Variants in ACOX3 observed in about 807,000 individuals in gnomAD.
ACOX3 encodes the protein peroxisomal acyl-coenzyme A oxidase 3.
A neutral mutation model predicts 81.5 loss-of-function variants in ACOX3; 73 were observed. The observed-to-expected ratio is 0.90, with a 90% CI of 0.74 to 1.09. The LOEUF (loss-of-function observed/expected upper bound fraction) is 1.09, where lower values mean the gene tolerates loss of function less well. ACOX3 is among the 50% of genes least tolerant of loss of function. The pLI is 0.00. For missense variants in ACOX3, 947 were observed against 928.0 expected, an observed-to-expected ratio of 1.02 and a Z score of -0.27; for synonymous variants, 387 against 375.1, an observed-to-expected ratio of 1.03 and a Z score of -0.37.
intron 14 of ACOX3, 103 bp from the exon 15 acceptor site, chr4:8,375,255 C>T (rs1371096796): frequency 5.2e-6 from 6 of 1,157,046 alleles, no homozygotes; most frequent in African/African-American, 1.6e-5. Flanking sequence ...TCTGCGTTCC[C>T]GTGCATGTCC....
chr4:8,370,800 A>T lies in ACOX3; in HGVS notation c.1983+108T>A. 9.8e-7 allele frequency: 1 copy of T among 1,017,166 alleles called. No homozygotes were observed. Among genetic ancestry groups the T allele is most frequent in the Non-Finnish European group, 1.5e-6 (1 of 673,342 alleles). The allele number at this position is 1,017,166 out of a possible 1,614,324, so 63.0% of individuals were successfully genotyped here. Reference sequence around the variant, plus strand: ...TCCCCAAGAAGCTCCTCCATGTGTGACCACTTTCCAGAAGACACCAGACCC... The same window carrying T: ...TCCCCAAGAAGCTCCTCCATGTGTGTCCACTTTCCAGAAGACACCAGACCC... On this transcript the variant is annotated intron_variant, in intron 17 of 17. Transcript: ENST00000356406. The surrounding 1 kb of genome is among the most constrained non-coding windows in gnomAD (Gnocchi z 6.3).
intron 7 of ACOX3, among the ~76,000 whole-genome samples, chr4:8,403,854 A>G (rs1720627384): frequency 6.6e-6 from 1 of 152,234 alleles, no homozygotes; most frequent in Non-Finnish European, 1.5e-5. Flanking sequence ...TGAGCAGTGA[A>G]GAAGAGCCTT....
rs2108938458 is a variant in ACOX3, at chr4:8,407,509, G to T, written c.688-1466C>A. 6.6e-6 allele frequency among the ~76,000 whole-genome samples: 1 copy of T among 152,304 alleles called. No homozygotes were observed. ...AAAGATTCCTCAATTTCAGACCCCG[G>T]CCTCCAGAGTTGGGAGAATACGTTA... On this transcript the variant is annotated intron_variant, in intron 6 of 17. Transcript: ENST00000356406. This position sits in a 1 kb window ranked among gnomAD's most constrained non-coding sequence, Gnocchi z 4.6.
At chr4:8,409,256 C>T (rs1321637231) in intron 6 of ACOX3, among the ~76,000 whole-genome samples, 2 of 152,248 alleles carry the variant, frequency 1.3e-5, no homozygotes, top group East Asian at 1.9e-4. Context: ...CAGAGGCCTG[C>T]AGCTCCTGTG....
At chr4:8,372,758 C>A (rs930422395) in intron 16 of ACOX3, among the ~76,000 whole-genome samples, 1 of 152,240 alleles carries the variant, frequency 6.6e-6, no homozygotes, top group Non-Finnish European at 1.5e-5. Context: ...TGAAAGGCCA[C>A]GTCTGCAGTC....
rs114496504 is a variant in ACOX3 at position 8,383,216 on chromosome 4, C to T, written c.1538-1609G>A. On this transcript the variant is annotated intron_variant, in intron 13 of 17. Coordinates refer to ENST00000356406, the MANE Select transcript of ACOX3 (RefSeq NM_003501.3). ...AGACGGGTGCTGCTGACCCCGCAGGCAGGGCACAGGCAGGGTTGGGCGGAG... is the reference window on the plus strand; with the variant it reads ...AGACGGGTGCTGCTGACCCCGCAGGTAGGGCACAGGCAGGGTTGGGCGGAG... Among the ~76,000 whole-genome samples, 1,133 of 152,312 alleles carry T rather than the reference C, an allele frequency of 7.4e-3. 8 individuals are homozygous for T. The highest frequency in any genetic ancestry group is 0.024 in the South Asian group (114 of 4,832).
chr4:8,372,485 G>A (rs1188923688), intron 16 of ACOX3, among the ~76,000 whole-genome samples: 3 of 152,154 alleles, frequency 2.0e-5, no homozygotes, highest in Admixed American at 6.5e-5. Context: ...TGCATACTCT[G>A]AAGGCCTCCA....
chr4:8,401,312 C>G (rs1286099122), intron 7 of ACOX3, among the ~76,000 whole-genome samples: 5 of 152,126 alleles, frequency 3.3e-5, no homozygotes, highest in African/African-American at 1.2e-4. Flanking sequence ...TACTAAACCA[C>G]AGAAGACTCA....
chr4:8,396,434 T>A (rs907444173), intron 9 of ACOX3, among the ~76,000 whole-genome samples: 6 of 152,110 alleles, frequency 3.9e-5, no homozygotes, highest in African/African-American at 1.4e-4. Context: ...CCCAGCACTT[T>A]GGGAGGCTGA....
intron 1 of ACOX3, among the ~76,000 whole-genome samples, chr4:8,429,186 T>G (rs553780111): frequency 6.6e-6 from 1 of 152,346 alleles, no homozygotes; most frequent in African/African-American, 2.4e-5. Flanking sequence ...GACAGTGTTG[T>G]ACCTGAGCGA....
In ACOX3 at chr4:8,400,124, G is replaced by A. The variant is rs1196859828; in HGVS notation, c.777-472C>T. Among the ~76,000 whole-genome samples the A allele has an allele frequency of 6.6e-6, 1 of 152,054 alleles. No homozygotes were observed. Among genetic ancestry groups the A allele is most frequent in the Non-Finnish European group, 1.5e-5 (1 of 68,014 alleles). On this transcript the variant is annotated intron_variant, in intron 7 of 17. Transcript: ENST00000356406. This position sits in a 1 kb window ranked among gnomAD's most constrained non-coding sequence, Gnocchi z 4.4. ...AAATTAGCCAGGAGTGGTGGCATGT[G>A]CCTGTAGTCCCAGCTACTCAGGAGG... is the stretch of plus-strand genomic sequence containing the variant.
Position 8,397,122 on chromosome 4 carries a change from A to G in ACOX3, c.874-3T>C, listed in dbSNP as rs767294828. ...GCTCCAAAGCGCTGCCTGACGTCCT[A>G]CGGGAGGGACACAGATGATAAGCTC... On this transcript the variant is annotated splice_polypyrimidine_tract_variant and splice_region_variant and intron_variant, in intron 8 of 17. Coordinates refer to ENST00000356406, the MANE Select transcript of ACOX3 (RefSeq NM_003501.3). 2.6e-6 allele frequency: 4 copies of G among 1,546,804 alleles called. No individual in the cohort carries two copies. The highest frequency in any genetic ancestry group is 2.6e-6 in the Non-Finnish European group (3 of 1,150,372).
At chr4:8,372,830 A>G (rs1716388286) in intron 16 of ACOX3, among the ~76,000 whole-genome samples, 1 of 152,228 alleles carries the variant, frequency 6.6e-6, no homozygotes, top group Admixed American at 6.5e-5. Context: ...CAAAAGTGGA[A>G]TGACGTCTCC....
intron 7 of ACOX3, among the ~76,000 whole-genome samples, chr4:8,402,104 C>T (rs1277912711): frequency 6.6e-6 from 1 of 152,230 alleles, no homozygotes; most frequent in Non-Finnish European, 1.5e-5. Context: ...CTCTGAGGCA[C>T]AAGGGCCAGG....
chr4:8,386,928 C>T lies in ACOX3; in HGVS notation c.1537+2245G>A, dbSNP rs1411293183. Among the ~76,000 whole-genome samples the T allele has an allele frequency of 6.6e-6, 1 of 152,246 alleles. No homozygotes were observed. Among genetic ancestry groups the T allele is most frequent in the African/African-American group, 2.4e-5 (1 of 41,470 alleles). ...TGCTATCACATCCACGGCGTCGGTCCTGATGGCTGGAACGCGTCCTCCATG... is the reference window on the plus strand; with the variant it reads ...TGCTATCACATCCACGGCGTCGGTCTTGATGGCTGGAACGCGTCCTCCATG... On this transcript the variant is annotated intron_variant, in intron 13 of 17. Transcript: ENST00000356406. The surrounding 1 kb of genome is among the most constrained non-coding windows in gnomAD (Gnocchi z 5.2).
rs10938711 is a variant in ACOX3 at position 8,386,779 on chromosome 4, T to C, written c.1537+2394A>G. Among the ~76,000 whole-genome samples the C allele has an allele frequency of 0.99, 150,339 of 152,256 alleles. 74,259 individuals carry two copies. Among genetic ancestry groups the C allele is most frequent in the East Asian group, 1 (5,140 of 5,140 alleles). On this transcript the variant is annotated intron_variant, in intron 13 of 17. Coordinates refer to ENST00000356406, the MANE Select transcript of ACOX3 (RefSeq NM_003501.3). This position sits in a 1 kb window ranked among gnomAD's most constrained non-coding sequence, Gnocchi z 5.2. ...TGACGGTGCGGGCAGGGGAAGGCGC[T>C]GGGAAGCCGGACCGGCCCAGGCTCC... is the stretch of plus-strand genomic sequence containing the variant.
Position 8,414,171 on chromosome 4 carries a change from A to G in ACOX3, c.543+121T>C. The G allele has an allele frequency of 1.2e-6, 1 of 825,362 alleles. No homozygotes were observed. The highest frequency in any genetic ancestry group is 2.0e-6 in the Non-Finnish European group (1 of 496,990). The allele number at this position is 825,362 out of a possible 1,614,324, so 51.1% of individuals were successfully genotyped here. A position where few individuals can be genotyped will look rare whatever the true frequency, so the allele number is the denominator to read the frequency against. On this transcript the variant is annotated intron_variant, in intron 5 of 17. Transcript: ENST00000356406. This position sits in a 1 kb window ranked among gnomAD's most constrained non-coding sequence, Gnocchi z 6.1. ...GAATCTCAGTGGGTATTTCTACACA[A>G]GTGTATGTGGACAGGCCTCTTGCTT...
intron 13 of ACOX3, among the ~76,000 whole-genome samples, chr4:8,388,135 G>A (rs576595628): frequency 1.9e-3 from 290 of 152,264 alleles, no homozygotes; most frequent in Non-Finnish European, 2.8e-3. Flanking sequence ...TGACACACCC[G>A]TCCATCGGGG....
chr4:8,391,030 T>G (rs1718928827), intron 11 of ACOX3, among the ~76,000 whole-genome samples: 1 of 135,876 alleles, frequency 7.4e-6, no homozygotes, highest in Admixed American at 7.7e-5. Context: ...TGTATATGTA[T>G]GTGTATATGT....
Sources: gnomAD v4.1 joint callset for allele counts (sites outside exome capture counted in the v4.1 genomes callset) on GRCh38, gnomAD v4.1.1 for gene constraint, Gnocchi (gnomAD v3.1) non-coding constraint, MANE v1.5 for transcripts, NCBI Gene and HGNC (gene_info 2026-07-23, HGNC 2026-07-21) for gene names.